The following CHST9 variants were observed in gnomAD, a reference collection of about 807,000 sequenced individuals.
The protein encoded by CHST9 is carbohydrate sulfotransferase 9, also known as GalNAc-4-sulfotransferase 2.
In CHST9, 41 loss-of-function variants were observed where a neutral mutation model predicts 44.4. The ratio of observed to expected loss-of-function variants is 0.92; its 90% CI spans 0.72 to 1.20. CHST9 has a LOEUF of 1.20. Among genes scored for constraint, CHST9 ranks in the 50% most tolerant of loss-of-function variants. CHST9 has a pLI of 0.00. For missense variants in CHST9, 504 were observed against 516.5 expected (o/e 0.98, Z 0.23); for synonymous variants, 171 against 178.4 (o/e 0.96, Z 0.33).
rs418546 is a variant in CHST9 at position 26,916,953 on chromosome 18, T to C, written c.638A>G (p.Lys213Arg). The part of the protein sequence containing the change: ...VSRIYVEDKH[K>R]ILYCEVPKAG... ...CTTAGGTACCTCACAATATAAGATT[T>C]TGTGTTTATCTTCTACATAGATTCT... Residue 213 changes from lysine to arginine, a missense_variant, in exon 6 of 6, where the codon AAA becomes AGA. By Grantham distance (26) the Lys-to-Arg change is conservative. Transcript: ENST00000618847. The C allele has an allele frequency of 6.2e-7, 1 of 1,613,856 alleles. No homozygotes were observed. Among genetic ancestry groups the C allele is most frequent in the Non-Finnish European group, 8.5e-7 (1 of 1,179,834 alleles).
intron 2 of CHST9, among the ~76,000 whole-genome samples, chr18:27,088,808 T>C (rs1240792113): frequency 6.6e-6 from 1 of 152,140 alleles, no homozygotes; most frequent in Non-Finnish European, 1.5e-5. Context: ...TGCACAGATT[T>C]AGGGACATGC....
chr18:26,956,105 G>A (rs556329458), intron 4 of CHST9, among the ~76,000 whole-genome samples: 1 of 151,730 alleles, frequency 6.6e-6, no homozygotes, highest in African/African-American at 2.4e-5. Flanking sequence ...GACCAGCCTG[G>A]CCAACATGGT....
At chr18:27,150,925 G>T (rs983500812) in intron 1 of CHST9, among the ~76,000 whole-genome samples, 5 of 152,106 alleles carry the variant, frequency 3.3e-5, no homozygotes, top group African/African-American at 9.7e-5. Context: ...GATAGGCTTG[G>T]TAGGCACATA....
rs1043325666 is a variant in CHST9 at position 26,952,428 on chromosome 18, T to G, written c.203-8062A>C. The G allele has an allele frequency of 1.6e-5, 7 of 425,380 alleles. No homozygotes were observed. In the East Asian group the frequency reaches 1.8e-4, roughly 11 times the overall value. The allele number at this position is 425,380 out of a possible 1,614,324, so 26.4% of individuals were successfully genotyped here. A position where few individuals can be genotyped will look rare whatever the true frequency, so the allele number is the denominator to read the frequency against. On this transcript the variant is annotated intron_variant, in intron 4 of 5. Coordinates refer to ENST00000618847, the MANE Select transcript of CHST9 (RefSeq NM_031422.6). Reference sequence around the variant, plus strand: ...TAGAGACTGCCTTTGCACCATAGTTTTTACCGGAGGGAAATCTTATTTCCT... The same window carrying G: ...TAGAGACTGCCTTTGCACCATAGTTGTTACCGGAGGGAAATCTTATTTCCT...
chr18:27,034,347 A>C (rs1466473138), intron 3 of CHST9, among the ~76,000 whole-genome samples: 2 of 152,090 alleles, frequency 1.3e-5, no homozygotes, highest in East Asian at 3.9e-4. Context: ...ATTTCTACTG[A>C]AACCACCTTG....
At chr18:27,115,592 G>A (rs548187738) in intron 2 of CHST9, among the ~76,000 whole-genome samples, 70 of 152,194 alleles carry the variant, frequency 4.6e-4, no homozygotes, top group African/African-American at 1.6e-3. Context: ...ATGGCTCACT[G>A]CAGCCTCAAC....
intron 4 of CHST9, among the ~76,000 whole-genome samples, chr18:26,978,086 G>A (rs2056645389): frequency 6.9e-6 from 1 of 145,334 alleles, no homozygotes; most frequent in East Asian, 2.1e-4. Context: ...CTCTTTTCCT[G>A]TGGTTTTTTT....
At chr18:27,119,635 T>A (rs150016712) in intron 2 of CHST9, among the ~76,000 whole-genome samples, 1 of 147,474 alleles carries the variant, frequency 6.8e-6, no homozygotes, top group Non-Finnish European at 1.5e-5. Context: ...TGCCTACTTA[T>A]CAGTTTTTTT....
At chr18:27,075,179 GT>G (rs67114014) in intron 2 of CHST9, among the ~76,000 whole-genome samples, 50,538 of 141,430 alleles carry the variant, frequency 0.36, 8,991 homozygotes, top group Non-Finnish European at 0.4. Context: ...TTTGTTTTTT[GT>G]TTTTTTTTTG....
chr18:27,053,967 T>C (rs2057620364), intron 2 of CHST9, among the ~76,000 whole-genome samples: 1 of 152,238 alleles, frequency 6.6e-6, no homozygotes, highest in Non-Finnish European at 1.5e-5. Flanking sequence ...ACCTTTCATT[T>C]ACTCCTTTGC....
intron 4 of CHST9, among the ~76,000 whole-genome samples, chr18:26,970,807 G>T (rs1170362280): frequency 6.6e-6 from 1 of 152,174 alleles, no homozygotes; most frequent in Non-Finnish European, 1.5e-5. Context: ...ATCTAAAGTC[G>T]TGGAGCCAGC....
chr18:27,144,705 A>G (rs953350893), intron 1 of CHST9, among the ~76,000 whole-genome samples: 2 of 152,138 alleles, frequency 1.3e-5, no homozygotes, highest in Non-Finnish European at 2.9e-5. Context: ...ATAGATAAAT[A>G]AATAAATAAA....
intron 1 of CHST9, among the ~76,000 whole-genome samples, chr18:27,180,707 T>A (rs1567951988): frequency 6.6e-6 from 1 of 152,314 alleles, no homozygotes; most frequent in Non-Finnish European, 1.5e-5. Context: ...TCATGATCAC[T>A]GTAGGTCCCC....
chr18:27,122,135 G>A (rs1465698494), intron 2 of CHST9, among the ~76,000 whole-genome samples: 3 of 152,092 alleles, frequency 2.0e-5, no homozygotes, highest in African/African-American at 4.8e-5. Flanking sequence ...TTATAATTAC[G>A]GAAGAACAAA....
At chr18:27,077,277 A>G (rs1454256503) in intron 2 of CHST9, among the ~76,000 whole-genome samples, 2 of 152,246 alleles carry the variant, frequency 1.3e-5, no homozygotes, top group African/African-American at 4.8e-5. Context: ...AAAATTCCAA[A>G]TGGCTAAAAT....
At chr18:27,036,032 G>GA (rs1429715732) in intron 3 of CHST9, among the ~76,000 whole-genome samples, 4 of 151,648 alleles carry the variant, frequency 2.6e-5, no homozygotes, top group Admixed American at 6.6e-5. Flanking sequence ...AATGAATTTG[G>GA]AAAAAAATAA....
intron 2 of CHST9, among the ~76,000 whole-genome samples, chr18:27,083,690 G>T (rs936080279): frequency 6.6e-6 from 1 of 151,976 alleles, no homozygotes; most frequent in African/African-American, 2.4e-5. Flanking sequence ...TATTCATTTG[G>T]CATGTTTCAA....
At position 27,167,348 on chromosome 18, in the gene CHST9, G is replaced by A. The variant is rs572446793; in HGVS notation, c.-97+17788C>T. Among the ~76,000 whole-genome samples, 9 of 152,244 alleles carry A rather than the reference G, an allele frequency of 5.9e-5. No individual in the cohort carries two copies. The East Asian group carries it at 1.7e-3, about 29-fold the overall frequency. On this transcript the variant is annotated intron_variant, in intron 1 of 5. Coordinates refer to ENST00000618847, the MANE Select transcript of CHST9 (RefSeq NM_031422.6). ...TACCTCTGCAACCTAATGTCCAACT[G>A]CCCCTTCTGGTGTACTGACTCCTGG...
At chr18:27,093,754 C>T (rs117173921) in intron 2 of CHST9, among the ~76,000 whole-genome samples, 4 of 152,236 alleles carry the variant, frequency 2.6e-5, no homozygotes. Flanking sequence ...GCTGCACCCA[C>T]TGTCAAACCA....
Sources: gnomAD v4.1 joint callset for allele counts (sites outside exome capture counted in the v4.1 genomes callset) on GRCh38, gnomAD v4.1.1 for gene constraint, MANE v1.5 for transcripts, NCBI Gene and HGNC (gene_info 2026-07-23, HGNC 2026-07-21) for gene names.